EPHA3: variants seen among roughly 807,000 people sequenced by gnomAD.
EPHA3 encodes EPH receptor A3.
A neutral mutation model predicts 107.1 loss-of-function variants in EPHA3; 42 were observed. That is an observed-to-expected ratio of 0.39 (90% CI 0.31 to 0.51). EPHA3 has a LOEUF of 0.51. Among genes scored for constraint, EPHA3 ranks in the 20% least tolerant of loss-of-function variants. The pLI, the probability that EPHA3 is intolerant of heterozygous loss-of-function variation, is 0.78. For synonymous variants in EPHA3, 461 were observed against 424.8 expected, an observed-to-expected ratio of 1.09 and a Z score of -1.05; for missense variants, 1,183 against 1,211.2, an observed-to-expected ratio of 0.98 and a Z score of 0.35.
chr3:89,135,304 A>G (rs1443832845), intron 2 of EPHA3, among the ~76,000 whole-genome samples: 2 of 152,112 alleles, frequency 1.3e-5, no homozygotes, highest in South Asian at 2.1e-4. Flanking sequence ...TTGTATATCC[A>G]CAGCTTACAA....
chr3:89,136,026 A>G (rs1704302576), intron 2 of EPHA3, among the ~76,000 whole-genome samples: 1 of 152,154 alleles, frequency 6.6e-6, no homozygotes. Context: ...AATCTTACCA[A>G]CTGGATTTCT....
chr3:89,316,278 A>C (rs1706897242), intron 3 of EPHA3, among the ~76,000 whole-genome samples: 1 of 151,524 alleles, frequency 6.6e-6, no homozygotes, highest in Middle Eastern at 3.4e-3. Flanking sequence ...TTTCCCATCC[A>C]TATTGCCAGC....
intron 5 of EPHA3, among the ~76,000 whole-genome samples, chr3:89,347,694 G>C (rs1707706196): frequency 2.0e-5 from 3 of 150,630 alleles, no homozygotes; most frequent in Admixed American, 6.7e-5. Context: ...TCTTGTGCCA[G>C]TTTTCAAAGG....
At chr3:89,430,928 G>A (rs1460503974) in intron 12 of EPHA3, among the ~76,000 whole-genome samples, 1 of 152,082 alleles carries the variant, frequency 6.6e-6, no homozygotes, top group African/African-American at 2.4e-5. Context: ...GTCAAAGAAC[G>A]TTAAGATACT....
At chr3:89,250,268 T>A (rs1705130093) in intron 3 of EPHA3, among the ~76,000 whole-genome samples, 1 of 152,196 alleles carries the variant, frequency 6.6e-6, no homozygotes. Context: ...ATTTCTTGAG[T>A]GGAATCATGG....
intron 7 of EPHA3, among the ~76,000 whole-genome samples, chr3:89,401,986 C>T (rs1413731947): frequency 1.3e-5 from 2 of 152,088 alleles, no homozygotes; most frequent in Non-Finnish European, 1.5e-5. Context: ...TTTATTGTGT[C>T]CTGTGGTAGA....
chr3:89,209,435 A>G (rs911536553), intron 2 of EPHA3, among the ~76,000 whole-genome samples: 2 of 152,120 alleles, frequency 1.3e-5, no homozygotes, highest in Non-Finnish European at 2.9e-5. Flanking sequence ...TATCAATTTT[A>G]CCAAAAACCT....
chr3:89,223,789 CTAAGAG>C (rs1245145338), intron 3 of EPHA3, among the ~76,000 whole-genome samples: 2 of 151,928 alleles, frequency 1.3e-5, no homozygotes, highest in Non-Finnish European at 2.9e-5. Context: ...AGAATAATAT[CTAAGAG>C]TAAGAGTGGA....
At chr3:89,326,562 G>A (rs1019230399) in intron 3 of EPHA3, among the ~76,000 whole-genome samples, 1 of 151,834 alleles carries the variant, frequency 6.6e-6, no homozygotes. Flanking sequence ...GCTAATTTTT[G>A]TATTTTTTGT....
chr3:89,290,356 C>T (rs1456550769), intron 3 of EPHA3, among the ~76,000 whole-genome samples: 4 of 152,148 alleles, frequency 2.6e-5, no homozygotes, highest in East Asian at 3.9e-4. Flanking sequence ...GATGAATCAA[C>T]GAATGAAAAT....
chr3:89,211,991 A>G (rs1704111981), intron 3 of EPHA3, among the ~76,000 whole-genome samples: 1 of 151,920 alleles, frequency 6.6e-6, no homozygotes, highest in Non-Finnish European at 1.5e-5. Context: ...CATGCCAAAC[A>G]AACTCCAAGA....
At chr3:89,108,538 A>G (rs1291801394) in intron 1 of EPHA3, among the ~76,000 whole-genome samples, 5 of 152,244 alleles carry the variant, frequency 3.3e-5, no homozygotes, top group African/African-American at 1.2e-4. Context: ...TGAATAGTGG[A>G]TAGCTCCTGG....
intron 2 of EPHA3, among the ~76,000 whole-genome samples, chr3:89,181,460 G>A (rs13097212): frequency 0.14 from 21,975 of 151,682 alleles, 1,758 homozygotes; most frequent in African/African-American, 0.22. Context: ...ACATTCAAAT[G>A]GACCTGTTTA....
chr3:89,253,005 A>G (rs1272628839), intron 3 of EPHA3, among the ~76,000 whole-genome samples: 1 of 151,886 alleles, frequency 6.6e-6, no homozygotes, highest in Non-Finnish European at 1.5e-5. Flanking sequence ...CAACTTAGTC[A>G]TTCTCCATTG....
At chr3:89,341,213 C>T (rs1707513798) in intron 4 of EPHA3, 142 bp downstream of exon 4, 1 of 847,348 alleles carries the variant, frequency 1.2e-6, no homozygotes, top group Non-Finnish European at 1.8e-6. Flanking sequence ...CTGCTTCACT[C>T]CCCATGCTTG....
intron 12 of EPHA3, among the ~76,000 whole-genome samples, chr3:89,430,053 C>G (rs1431534415): frequency 2.0e-5 from 3 of 152,070 alleles, no homozygotes; most frequent in Admixed American, 6.6e-5. Context: ...CATGAGCCAC[C>G]GCACCTGGCC....
At chr3:89,409,346 A>C (rs1709114022) in intron 9 of EPHA3, among the ~76,000 whole-genome samples, 1 of 152,050 alleles carries the variant, frequency 6.6e-6, no homozygotes, top group Non-Finnish European at 1.5e-5. Context: ...ATTTTTATGC[A>C]TAAATTAGAG....
chr3:89,277,686 AT>A lies in EPHA3; in HGVS notation c.815-63223del, dbSNP rs1049143685. Among the ~76,000 whole-genome samples, 94 of 152,056 alleles carry A rather than the reference AT, an allele frequency of 6.2e-4. 4 individuals carry two copies. Among genetic ancestry groups the A allele is most frequent in the Non-Finnish European group, 3.2e-4 (22 of 67,990 alleles). Reference sequence around the variant, plus strand: ...CAGAAAAATGATCCCAGTATATTATATTTTTTTGTCATAATATGATGCCCTA... The same window carrying A: ...CAGAAAAATGATCCCAGTATATTATATTTTTTGTCATAATATGATGCCCTA... On this transcript the variant is annotated intron_variant, in intron 3 of 16. Coordinates refer to ENST00000336596, the MANE Select transcript of EPHA3 (RefSeq NM_005233.6).
At chr3:89,162,164 G>A (rs1704962107) in intron 2 of EPHA3, among the ~76,000 whole-genome samples, 1 of 151,904 alleles carries the variant, frequency 6.6e-6, no homozygotes, top group East Asian at 1.9e-4. Context: ...GGCTGAAAAG[G>A]GGTATTACTT....
Sources: gnomAD v4.1 joint callset for allele counts (sites outside exome capture counted in the v4.1 genomes callset) on GRCh38, gnomAD v4.1.1 for gene constraint, MANE v1.5 for transcripts, NCBI Gene and HGNC (gene_info 2026-07-23, HGNC 2026-07-21) for gene names.